Variants in RBFOX1 observed in about 807,000 individuals in gnomAD.
RBFOX1 encodes RNA binding protein fox-1 homolog 1.
Under a neutral mutation model 57.7 loss-of-function variants are expected in RBFOX1, and 8 were observed. The observed-to-expected ratio is 0.14, with a 90% CI of 0.08 to 0.25. The LOEUF is 0.25. RBFOX1 is among the 10% of genes least tolerant of loss of function. RBFOX1 has a pLI of 1.00. For synonymous variants in RBFOX1, 326 were observed against 222.4 expected, an observed-to-expected ratio of 1.47 and a Z score of -4.15; for missense variants, 611 against 548.5, an observed-to-expected ratio of 1.11 and a Z score of -1.14.
At chr16:7,084,881 ATCTT>A (rs1286907061) in intron 4 of RBFOX1, among the ~76,000 whole-genome samples, 1 of 151,748 alleles carries the variant, frequency 6.6e-6, no homozygotes, top group African/African-American at 2.4e-5. Flanking sequence ...CCATCTATCT[ATCTT>A]CTATCCGTTT....
chr16:6,455,049 ATTTT>A (rs34643206), intron 2 of RBFOX1, among the ~76,000 whole-genome samples: 5 of 142,490 alleles, frequency 3.5e-5, no homozygotes, highest in Admixed American at 7.0e-5. Context: ...TGCCTGGCTA[ATTTT>A]TTTTTTTTTT....
At chr16:7,016,785 A>G (rs1168363916) in intron 3 of RBFOX1, among the ~76,000 whole-genome samples, 1 of 152,152 alleles carries the variant, frequency 6.6e-6, no homozygotes, top group Non-Finnish European at 1.5e-5. Flanking sequence ...TGAGCAGGGT[A>G]GGTGACAGGA....
chr16:7,096,121 T>A (rs1036195632), intron 4 of RBFOX1, among the ~76,000 whole-genome samples: 2 of 151,998 alleles, frequency 1.3e-5, no homozygotes, highest in African/African-American at 4.8e-5. Flanking sequence ...CATGATATGA[T>A]CCCAATCTTC....
intron 3 of RBFOX1, among the ~76,000 whole-genome samples, chr16:7,005,050 A>C (rs2093176511): frequency 6.6e-6 from 1 of 152,198 alleles, no homozygotes; most frequent in Admixed American, 6.5e-5. Flanking sequence ...AGGCTGAGGC[A>C]GGAGCATTCC....
At chr16:6,707,694 G>A (rs1226484988) in intron 3 of RBFOX1, among the ~76,000 whole-genome samples, 1 of 152,126 alleles carries the variant, frequency 6.6e-6, no homozygotes, top group Non-Finnish European at 1.5e-5. Context: ...TGATAGGAGA[G>A]TGCCCTTCCT....
intron 14 of RBFOX1, among the ~76,000 whole-genome samples, chr16:7,695,192 C>A (rs932247458): frequency 1.3e-5 from 2 of 152,088 alleles, no homozygotes; most frequent in Non-Finnish European, 2.9e-5. Context: ...TATTATGTTG[C>A]ATGCTTCATA....
chr16:7,179,584 C>T (rs1356483648), intron 4 of RBFOX1, among the ~76,000 whole-genome samples: 1 of 151,810 alleles, frequency 6.6e-6, no homozygotes, highest in Non-Finnish European at 1.5e-5. Flanking sequence ...TTAACGTGGA[C>T]ACATGGTTTC....
intron 1 of RBFOX1, among the ~76,000 whole-genome samples, chr16:6,098,266 G>C (rs1452434835): frequency 6.6e-6 from 1 of 152,170 alleles, no homozygotes; most frequent in Non-Finnish European, 1.5e-5. Flanking sequence ...AAGGGGCTGT[G>C]ACAGGCCCAA....
Position 6,510,854 on chromosome 16 carries a change from T to TA in RBFOX1, c.-63-143736dup, listed in dbSNP as rs957647339. ...TGTTGCACCCTTAGTGCTGCACCCT[T>TA]AAAAAAAAAAAAAGGAAAAAAAGGT... On this transcript the variant is annotated intron_variant, in intron 2 of 15. Transcript: ENST00000550418. Among the ~76,000 whole-genome samples the TA allele has an allele frequency of 6.5e-3, 911 of 140,732 alleles. 2 individuals carry two copies. Among genetic ancestry groups the TA allele is most frequent in the East Asian group, 0.015 (74 of 4,914 alleles). 92.3% of individuals were successfully genotyped at this position (140,732 alleles called of 152,430 possible).
At chr16:6,424,940 T>C (rs1357291969) in intron 2 of RBFOX1, among the ~76,000 whole-genome samples, 4 of 152,138 alleles carry the variant, frequency 2.6e-5, no homozygotes, top group Admixed American at 2.0e-4. Flanking sequence ...TTTGTATTTA[T>C]TGCATCTAAG....
chr16:7,688,947 T>A (rs1598149147), intron 14 of RBFOX1, among the ~76,000 whole-genome samples: 1 of 152,046 alleles, frequency 6.6e-6, no homozygotes, highest in East Asian at 1.9e-4. Context: ...CCTACGTGAA[T>A]GTTCCAAGCA....
rs775886098 is a variant in RBFOX1 at position 6,980,801 on chromosome 16, G to C, written c.-15-71256G>C. 9.3e-4 allele frequency among the ~76,000 whole-genome samples: 141 copies of C among 152,224 alleles called. 1 individual carries two copies. The highest frequency in any genetic ancestry group is 3.2e-4 in the Non-Finnish European group (22 of 68,014). On this transcript the variant is annotated intron_variant, in intron 3 of 15. Coordinates refer to ENST00000550418, the MANE Select transcript of RBFOX1 (RefSeq NM_018723.4). Reference sequence around the variant, plus strand: ...CTCATGCCTGTAATCCCAGCACTTTGGGAGGCCAAGGCAGGCGGATCACTT... The same window carrying C: ...CTCATGCCTGTAATCCCAGCACTTTCGGAGGCCAAGGCAGGCGGATCACTT...
chr16:5,689,839 G>A (rs571029168), intron 3 of RBFOX1, among the ~76,000 whole-genome samples: 1 of 151,716 alleles, frequency 6.6e-6, no homozygotes, highest in African/African-American at 2.4e-5. Context: ...TTGTAAATAA[G>A]TTATGTATTA....
intron 1 of RBFOX1, among the ~76,000 whole-genome samples, chr16:6,233,200 C>T (rs1022874318): frequency 6.6e-6 from 1 of 152,168 alleles, no homozygotes; most frequent in African/African-American, 2.4e-5. Context: ...TCTGAATTCA[C>T]TTGCCGTCAG....
chr16:5,911,079 G>C (rs187274144), intron 4 of RBFOX1, among the ~76,000 whole-genome samples: 1 of 152,274 alleles, frequency 6.6e-6, no homozygotes, highest in East Asian at 1.9e-4. Context: ...CTTAGCATCT[G>C]CTTCTAGGGG....
chr16:7,020,861 T>C (rs2038802413), intron 3 of RBFOX1, among the ~76,000 whole-genome samples: 1 of 152,168 alleles, frequency 6.6e-6, no homozygotes. Flanking sequence ...TCTTGAAGGC[T>C]CATGCCTGTA....
In RBFOX1 at chr16:5,259,551, G is replaced by C. The variant is rs145481413; in HGVS notation, c.219+19446G>C. On this transcript the variant is annotated intron_variant, in intron 1 of 2. Coordinates refer to the RBFOX1 transcript ENST00000585867. ...TCTGGGTCATTTCAGCTTGTGAAGT[G>C]AGCTTTCAGTGGGTGCTCAGTGGAA... Among the ~76,000 whole-genome samples, 731 of 152,330 alleles carry C rather than the reference G, an allele frequency of 4.8e-3. 4 individuals are homozygous for C. The highest frequency in any genetic ancestry group is 0.02 in the South Asian group (97 of 4,824).
At chr16:7,149,192 T>A (rs1010987899) in intron 4 of RBFOX1, among the ~76,000 whole-genome samples, 1 of 152,184 alleles carries the variant, frequency 6.6e-6, no homozygotes, top group African/African-American at 2.4e-5. Context: ...TCCTCCTTCA[T>A]GTTTTTTTAT....
intron 3 of RBFOX1, among the ~76,000 whole-genome samples, chr16:5,693,474 G>T (rs2050756081): frequency 6.6e-6 from 1 of 151,790 alleles, no homozygotes; most frequent in African/African-American, 2.4e-5. Flanking sequence ...TGTTTTGCCT[G>T]TTCTTTTTTT....
Sources: allele counts gnomAD v4.1 joint callset (sites outside exome capture counted in the v4.1 genomes callset), GRCh38; gene constraint gnomAD v4.1.1; transcripts MANE v1.5; gene names NCBI Gene and HGNC (gene_info 2026-07-23, HGNC 2026-07-21).